OVCH2: variants seen among roughly 807,000 people sequenced by gnomAD.
OVCH2 encodes the protein ovochymase-2.
In OVCH2, 88 loss-of-function variants were observed where a neutral mutation model predicts 73.7. The observed-to-expected ratio is 1.19, with a 90% CI of 1.01 to 1.43. The LOEUF (loss-of-function observed/expected upper bound fraction) is 1.43. OVCH2 is among the 40% of genes most tolerant of loss of function. The pLI, the probability that OVCH2 is intolerant of heterozygous loss-of-function variation, is 0.00. For missense variants in OVCH2, 706 were observed against 674.5 expected, an observed-to-expected ratio of 1.05 and a Z score of -0.52; for synonymous variants, 265 against 234.5, an observed-to-expected ratio of 1.13 and a Z score of -1.19.
downstream of OVCH2, among the ~76,000 whole-genome samples, chr11:7,688,811 A>T (rs927066013): frequency 2.0e-5 from 3 of 152,346 alleles, no homozygotes; most frequent in South Asian, 6.2e-4. Context: ...AACAAGGAAC[A>T]GGGAAAGCCC....
chr11:7,693,436 A>G (rs1856259635), intron 12 of OVCH2, among the ~76,000 whole-genome samples: 1 of 152,192 alleles, frequency 6.6e-6, no homozygotes, highest in African/African-American at 2.4e-5. Flanking sequence ...TTACTATCTT[A>G]CACGAGTTCT....
At chr11:7,680,148 C>G in the OVCH2 span, among the ~76,000 whole-genome samples, 1 of 152,316 alleles carries the variant, frequency 6.6e-6, no homozygotes, top group South Asian at 2.1e-4. Flanking sequence ...CATAGCCAAT[C>G]AGTCAGAAAT....
At chr11:7,689,834 G>A (rs1415788112) in intron 15 of OVCH2, 90 bp downstream of exon 15, 7 of 794,474 alleles carry the variant, frequency 8.8e-6, no homozygotes, top group Non-Finnish European at 1.5e-5. Flanking sequence ...TATTTTGGAG[G>A]AAGATGGAAT....
the OVCH2 span, among the ~76,000 whole-genome samples, chr11:7,679,559 C>G: frequency 1.3e-5 from 2 of 152,272 alleles, no homozygotes; most frequent in East Asian, 1.9e-4. Flanking sequence ...CCCTCATTCT[C>G]TCTCTCCTGG....
downstream of OVCH2, among the ~76,000 whole-genome samples, chr11:7,686,098 T>C (rs1856139152): frequency 6.6e-6 from 1 of 152,240 alleles, no homozygotes; most frequent in African/African-American, 2.4e-5. Flanking sequence ...ATTTGTATAT[T>C]GGAGATACTT....
chr11:7,687,409 T>C (rs547818486), downstream of OVCH2, among the ~76,000 whole-genome samples: 1 of 152,260 alleles, frequency 6.6e-6, no homozygotes, highest in Admixed American at 6.5e-5. Flanking sequence ...ACTGGGATTA[T>C]GCTAGTGTAT....
chr11:7,684,107 T>C, the OVCH2 span, among the ~76,000 whole-genome samples: 1 of 152,030 alleles, frequency 6.6e-6, no homozygotes, highest in Non-Finnish European at 1.5e-5. Flanking sequence ...TTTTTCTTAC[T>C]GCAGAATCCT....
intron 2 of OVCH2, 90 bp from the exon 3 acceptor site, chr11:7,703,879 A>G: frequency 1.0e-6 from 1 of 958,626 alleles, no homozygotes; most frequent in Admixed American, 2.0e-5. Context: ...AACCAGACTC[A>G]GATATCACAC....
At chr11:7,696,438 C>A in intron 10 of OVCH2, 27 bp downstream of exon 10, 1 of 1,613,604 alleles carries the variant, frequency 6.2e-7, no homozygotes, top group South Asian at 1.1e-5. Context: ...CACTGGTTTC[C>A]ATTTGACACT....
rs945946724 is a variant in OVCH2 at position 7,695,141 on chromosome 11, G to A, written c.1330C>T (p.Gln444Ter). ...LTVLFEEGLIQSLNYPENYSD... is the reference protein window; with the variant it reads ...LTVLFEEGLI The stretch of plus-strand genomic sequence containing the variant: ...TAGTTTTCAGGATAGTTTAGACTCT[G>A]TATGAGACCTTCTTCAAAAAGGACA... Residue 444 changes from glutamine (Q) to a stop codon, truncating the protein, a stop_gained, in exon 12 of 16, where the codon CAG becomes TAG. Coordinates refer to ENST00000533663, the MANE Select transcript of OVCH2 (RefSeq NM_198185.7). LOFTEE classifies it high-confidence loss of function. 4.5e-6 allele frequency: 7 copies of A among 1,556,404 alleles called. No homozygotes were observed. Among genetic ancestry groups the A allele is most frequent in the Middle Eastern group, 1.7e-4 (1 of 6,012 alleles).
In OVCH2 at chr11:7,696,450, T is replaced by G. The variant is rs762009701; in HGVS notation, c.1141+15A>C. The G allele has an allele frequency of 3.1e-6, 5 of 1,613,740 alleles. No individual in the cohort carries two copies. The African/African-American group carries it at 4.0e-5, about 13-fold the overall frequency. On this transcript the variant is annotated intron_variant, in intron 10 of 15. Coordinates refer to ENST00000533663, the MANE Select transcript of OVCH2 (RefSeq NM_198185.7). ...TGGCACTGGTTTCCATTTGACACTG[T>G]GAAAATCCACTCACCAATGGGTCTG...
chr11:7,696,744 G>C lies in OVCH2; in HGVS notation c.981C>G (p.Phe327Leu). 6.2e-7 allele frequency: 1 copy of C among 1,613,272 alleles called. No homozygotes were observed. The highest frequency in any genetic ancestry group is 8.5e-7 in the Non-Finnish European group (1 of 1,179,616). ...IVSGAEGKLH[F>L]PESLHLYYES... ...CATAATATAGGTGGAGGCTTTCTGG[G>C]AAGTGCAGCTTCCCCTCAGCCCCGC... The change falls in exon 9 of 16, where the codon TTC becomes TTG. Residue 327 changes from phenylalanine to leucine, a missense_variant. Transcript: ENST00000533663.
chr11:7,704,784 C>G, intron 1 of OVCH2, 110 bp from the exon 2 acceptor site: 1 of 662,568 alleles, frequency 1.5e-6, no homozygotes, highest in Non-Finnish European at 2.6e-6. Context: ...GTATGGTGCT[C>G]AGCACACATT....
At chr11:7,693,443 T>C (rs114484591) in intron 12 of OVCH2, among the ~76,000 whole-genome samples, 3,082 of 152,292 alleles carry the variant, frequency 0.02, 107 homozygotes, top group African/African-American at 0.071. Flanking sequence ...CTTACACGAG[T>C]TCTGCAAAAT....
At chr11:7,703,675 C>A in intron 3 of OVCH2, 23 bp downstream of exon 3, 1 of 1,566,726 alleles carries the variant, frequency 6.4e-7, no homozygotes, top group Non-Finnish European at 8.7e-7. Context: ...GTGGTCTTCA[C>A]TCATGGGCTA....
rs536293898 is a variant in OVCH2, at chr11:7,695,726, A to C, written c.1142-16T>G. ...CAAAATTTTCCTGCAGGATGAGAAAAAAGGATTCTTTGTTCAGAATCTAGA... is the reference window on the plus strand; with the variant it reads ...CAAAATTTTCCTGCAGGATGAGAAACAAGGATTCTTTGTTCAGAATCTAGA... On this transcript the variant is annotated splice_polypyrimidine_tract_variant and intron_variant, in intron 10 of 15. Coordinates refer to ENST00000533663, the MANE Select transcript of OVCH2 (RefSeq NM_198185.7). 1 of 1,588,788 alleles carries C rather than the reference A, an allele frequency of 6.3e-7. No individual in the cohort carries two copies. Among genetic ancestry groups the C allele is most frequent in the Non-Finnish European group, 8.5e-7 (1 of 1,172,022 alleles).
At chr11:7,685,134 G>A (rs941832356), downstream of OVCH2, among the ~76,000 whole-genome samples, 2 of 152,174 alleles carry the variant, frequency 1.3e-5, no homozygotes, top group Non-Finnish European at 2.9e-5. Flanking sequence ...GTGACTTGGT[G>A]GAGGAGCTGG....
intron 7 of OVCH2, 151 bp from the exon 8 acceptor site, chr11:7,698,924 G>T (rs888395646): frequency 4.3e-6 from 3 of 701,518 alleles, no homozygotes; most frequent in African/African-American, 3.7e-5. Context: ...AGGGATAAAT[G>T]GATAAAGTAG....
At chr11:7,682,233 C>G in the OVCH2 span, among the ~76,000 whole-genome samples, 1 of 152,228 alleles carries the variant, frequency 6.6e-6, no homozygotes, top group Admixed American at 6.5e-5. Flanking sequence ...TCTCCAACAT[C>G]ACATCGCTGG....
Sources: gnomAD v4.1 joint callset for allele counts (sites outside exome capture counted in the v4.1 genomes callset) on GRCh38, gnomAD v4.1.1 for gene constraint, MANE v1.5 for transcripts, NCBI Gene and HGNC (gene_info 2026-07-23, HGNC 2026-07-21) for gene names.